The following KCNH7 variants were observed in gnomAD, a reference collection of about 807,000 sequenced individuals.
KCNH7 encodes potassium voltage-gated channel subfamily H member 7, also known as voltage-gated inwardly rectifying potassium channel KCNH7.
Under a neutral mutation model 120.8 loss-of-function variants are expected in KCNH7, and 49 were observed. The ratio of observed to expected loss-of-function variants is 0.41; its 90% CI spans 0.32 to 0.51. The LOEUF (loss-of-function observed/expected upper bound fraction) is 0.51. KCNH7 is among the 20% of genes least tolerant of loss of function. KCNH7 has a pLI of 0.38. For missense variants in KCNH7, 1,097 were observed against 1,446.6 expected (o/e 0.76, Z 3.92); for synonymous variants, 547 against 516.1 (o/e 1.06, Z -0.81).
chr2:162,798,340 T>C (rs566902340), intron 2 of KCNH7, among the ~76,000 whole-genome samples: 48 of 152,190 alleles, frequency 3.2e-4, no homozygotes, highest in Admixed American at 9.2e-4. Context: ...AAAAAATTCA[T>C]ATAAGAAAAT....
intron 2 of KCNH7, among the ~76,000 whole-genome samples, chr2:162,791,205 C>A (rs1000942500): frequency 6.6e-6 from 1 of 152,014 alleles, no homozygotes; most frequent in Non-Finnish European, 1.5e-5. Context: ...AGTCAGGTAG[C>A]ATGATGCCTC....
intron 2 of KCNH7, among the ~76,000 whole-genome samples, chr2:162,717,444 C>A (rs760741712): frequency 6.6e-6 from 1 of 152,106 alleles, no homozygotes; most frequent in African/African-American, 2.4e-5. Context: ...AAGGAAAGGT[C>A]CATCTCTCTT....
intron 6 of KCNH7, among the ~76,000 whole-genome samples, chr2:162,475,714 T>A (rs1270755761): frequency 6.6e-6 from 1 of 152,158 alleles, no homozygotes; most frequent in Non-Finnish European, 1.5e-5. Flanking sequence ...GAGGGCAAAT[T>A]TAACATGGAG....
At chr2:162,511,149 A>G (rs1211265682) in intron 5 of KCNH7, among the ~76,000 whole-genome samples, 1 of 151,720 alleles carries the variant, frequency 6.6e-6, no homozygotes, top group Non-Finnish European at 1.5e-5. Flanking sequence ...GAGAGTTGAG[A>G]AAAAAAGGTT....
chr2:162,391,882 A>C (rs1454261202), intron 12 of KCNH7, among the ~76,000 whole-genome samples: 1 of 152,046 alleles, frequency 6.6e-6, no homozygotes, highest in Non-Finnish European at 1.5e-5. Flanking sequence ...ACTCTGTGGA[A>C]GAACAGCTTA....
chr2:162,769,419 G>A (rs1371299819), intron 2 of KCNH7, among the ~76,000 whole-genome samples: 2 of 152,020 alleles, frequency 1.3e-5, no homozygotes, highest in Non-Finnish European at 2.9e-5. Flanking sequence ...ACAAAGTTGA[G>A]TTGCTGCATA....
intron 2 of KCNH7, among the ~76,000 whole-genome samples, chr2:162,553,621 C>T (rs780280935): frequency 4.1e-4 from 62 of 152,048 alleles, no homozygotes; most frequent in Admixed American, 1.4e-3. Flanking sequence ...TGCGGTCCAT[C>T]CTGGGCAACA....
intron 2 of KCNH7, among the ~76,000 whole-genome samples, chr2:162,613,960 T>C (rs1683057421): frequency 6.6e-6 from 1 of 151,928 alleles, no homozygotes; most frequent in African/African-American, 2.4e-5. Flanking sequence ...AAAGTTTTTT[T>C]TTTTTTAATA....
Position 162,446,389 on chromosome 2 carries a change from T to C in KCNH7, c.1183A>G (p.Ile395Val), listed in dbSNP as rs1573967868. 6.2e-7 allele frequency: 1 copy of C among 1,613,684 alleles called. No individual in the cohort carries two copies. The highest frequency in any genetic ancestry group is 2.2e-5 in the East Asian group (1 of 44,864). The stretch of plus-strand genomic sequence containing the variant: ...TAGTGCAATATCGTAAACTTGTTGA[T>C]GCGTGGTGTCTGCAGTTTGTATTCA... ...LPEYKLQTPRINKFTILHYSP... is the reference protein window; with the variant it reads ...LPEYKLQTPRVNKFTILHYSP... The change falls in exon 7 of 16, where the codon ATC becomes GTC. Residue 395 changes from isoleucine (I) to valine (V), a missense_variant. Physicochemically the swap from Ile to Val is conservative, Grantham distance 29 (BLOSUM62 3). Transcript: ENST00000332142.
chr2:162,576,657 GTT>G (rs140194419), intron 2 of KCNH7, among the ~76,000 whole-genome samples: 2 of 150,808 alleles, frequency 1.3e-5, no homozygotes, highest in African/African-American at 2.4e-5. Context: ...GTTTTTTGGG[GTT>G]TTTTTTTCCT....
chr2:162,565,143 A>G (rs1693209077), intron 2 of KCNH7, among the ~76,000 whole-genome samples: 1 of 152,098 alleles, frequency 6.6e-6, no homozygotes, highest in Admixed American at 6.6e-5. Context: ...CTGAGTCTGA[A>G]TATTGTCCCT....
At chr2:162,821,211 C>G (rs1418121512) in intron 2 of KCNH7, among the ~76,000 whole-genome samples, 1 of 152,254 alleles carries the variant, frequency 6.6e-6, no homozygotes, top group East Asian at 1.9e-4. Context: ...TTGTAAGGGA[C>G]TGTTGCCATT....
chr2:162,655,057 C>T (rs946552289), intron 2 of KCNH7, among the ~76,000 whole-genome samples: 18 of 152,016 alleles, frequency 1.2e-4, no homozygotes, highest in African/African-American at 4.1e-4. Context: ...AAGAGATCTA[C>T]TGTACAATTA....
intron 6 of KCNH7, among the ~76,000 whole-genome samples, chr2:162,452,678 A>G (rs1202947319): frequency 6.6e-6 from 1 of 152,048 alleles, no homozygotes; most frequent in Non-Finnish European, 1.5e-5. Context: ...AAATACAGCC[A>G]CATTTCAGAG....
chr2:162,715,590 A>G (rs1687091247), intron 2 of KCNH7, among the ~76,000 whole-genome samples: 1 of 152,158 alleles, frequency 6.6e-6, no homozygotes, highest in African/African-American at 2.4e-5. Flanking sequence ...ATCTTGCCCC[A>G]TATTCTAAAT....
At chr2:162,486,088 C>T (rs928398143) in intron 6 of KCNH7, among the ~76,000 whole-genome samples, 2 of 152,160 alleles carry the variant, frequency 1.3e-5, no homozygotes, top group South Asian at 2.1e-4. Flanking sequence ...TTTTTCCTGC[C>T]ACATCAGAAA....
At chr2:162,650,075 T>G (rs987231427) in intron 2 of KCNH7, among the ~76,000 whole-genome samples, 1 of 152,176 alleles carries the variant, frequency 6.6e-6, no homozygotes, top group Admixed American at 6.6e-5. Flanking sequence ...TTTAGCTCAT[T>G]GCTATTATAG....
intron 14 of KCNH7, among the ~76,000 whole-genome samples, chr2:162,374,684 T>C (rs1432116436): frequency 6.6e-6 from 1 of 152,110 alleles, no homozygotes; most frequent in Non-Finnish European, 1.5e-5. Context: ...GAGAACATAA[T>C]AAACCTGGAA....
At chr2:162,374,780 T>A (rs1464278349) in intron 14 of KCNH7, among the ~76,000 whole-genome samples, 1 of 152,224 alleles carries the variant, frequency 6.6e-6, no homozygotes, top group Non-Finnish European at 1.5e-5. Flanking sequence ...AACACATTAT[T>A]CTTGCAGTTT....
Sources: gnomAD v4.1 joint callset for allele counts (sites outside exome capture counted in the v4.1 genomes callset) on GRCh38, gnomAD v4.1.1 for gene constraint, MANE v1.5 for transcripts, NCBI Gene and HGNC (gene_info 2026-07-23, HGNC 2026-07-21) for gene names.